PRKCE: variants seen among roughly 807,000 people sequenced by gnomAD.
PRKCE encodes the protein protein kinase C epsilon type.
In PRKCE, 16 loss-of-function variants were observed where a neutral mutation model predicts 85.4. The observed-to-expected ratio is 0.19, with a 90% CI of 0.13 to 0.28. The LOEUF (loss-of-function observed/expected upper bound fraction) is 0.28. Ranked by LOEUF, PRKCE falls within the 10% of genes least tolerant of loss-of-function variation. The pLI, the probability that PRKCE is intolerant of heterozygous loss-of-function variation, is 1.00. For missense variants in PRKCE, 573 were observed against 975.2 expected, an observed-to-expected ratio of 0.59 and a Z score of 5.49; for synonymous variants, 388 against 371.5, an observed-to-expected ratio of 1.04 and a Z score of -0.51.
intron 11 of PRKCE, among the ~76,000 whole-genome samples, chr2:46,099,366 G>A (rs1263118706): frequency 1.3e-5 from 2 of 152,072 alleles, no homozygotes; most frequent in African/African-American, 2.4e-5. Flanking sequence ...TCATTGACAG[G>A]CCTTTGACAC....
At chr2:45,898,701 G>A (rs1045691808) in intron 2 of PRKCE, among the ~76,000 whole-genome samples, 1 of 152,212 alleles carries the variant, frequency 6.6e-6, no homozygotes, top group African/African-American at 2.4e-5. Flanking sequence ...AGATGGAGAG[G>A]GGTGGGACAT....
In PRKCE at chr2:46,068,465, C is replaced by T. The variant is rs1667809627; in HGVS notation, c.1438-17743C>T. Among the ~76,000 whole-genome samples, 1 of 151,908 alleles carries T rather than the reference C, an allele frequency of 6.6e-6. No individual in the cohort carries two copies. Among genetic ancestry groups the T allele is most frequent in the Admixed American group, 6.6e-5 (1 of 15,250 alleles). The stretch of plus-strand genomic sequence containing the variant: ...TAATCAGTCATTATTTATTGGTGTA[C>T]CATTAGGTGCAAGGTATAATTCCTA... On this transcript the variant is annotated intron_variant, in intron 10 of 14. Coordinates refer to ENST00000306156, the MANE Select transcript of PRKCE (RefSeq NM_005400.3). This position sits in a 1 kb window ranked among gnomAD's most constrained non-coding sequence, Gnocchi z 4.3.
At chr2:45,972,412 A>C (rs1702169685) in intron 2 of PRKCE, among the ~76,000 whole-genome samples, 2 of 152,094 alleles carry the variant, frequency 1.3e-5, no homozygotes, top group Admixed American at 1.3e-4. Context: ...TCCATTCTTC[A>C]GGTTGCCTTT....
At chr2:45,897,726 G>C (rs559705069) in intron 2 of PRKCE, among the ~76,000 whole-genome samples, 1 of 152,264 alleles carries the variant, frequency 6.6e-6, no homozygotes, top group South Asian at 2.1e-4. Flanking sequence ...AGGTCAGTGT[G>C]GGGGGTACTG....
chr2:45,673,198 T>TGGTA (rs1463610184), intron 1 of PRKCE, among the ~76,000 whole-genome samples: 4 of 152,240 alleles, frequency 2.6e-5, no homozygotes. Context: ...CCTACTGCAA[T>TGGTA]GGTAGATTCT....
chr2:46,032,047 C>T (rs1487857006), intron 10 of PRKCE, among the ~76,000 whole-genome samples: 2 of 152,186 alleles, frequency 1.3e-5, no homozygotes, highest in Non-Finnish European at 2.9e-5. Context: ...TGGTGTTCTC[C>T]TTTGCGCAGT....
At chr2:45,936,483 C>T (rs1699467237) in intron 2 of PRKCE, among the ~76,000 whole-genome samples, 1 of 152,168 alleles carries the variant, frequency 6.6e-6, no homozygotes. Context: ...GCGCCTCTGC[C>T]CTCACTGTCC....
chr2:46,161,269 G>A (rs544302165), intron 14 of PRKCE, among the ~76,000 whole-genome samples: 8 of 152,364 alleles, frequency 5.3e-5, no homozygotes, highest in Admixed American at 3.3e-4. Context: ...AATAGGGGAA[G>A]TAGGACCCCA....
intron 2 of PRKCE, among the ~76,000 whole-genome samples, chr2:45,965,148 A>T (rs1290416655): frequency 6.6e-6 from 1 of 152,212 alleles, no homozygotes; most frequent in Non-Finnish European, 1.5e-5. Context: ...AGCATCGAAT[A>T]ATCTCTCTGA....
chr2:45,948,141 T>C (rs534534675), intron 2 of PRKCE, among the ~76,000 whole-genome samples: 4 of 152,248 alleles, frequency 2.6e-5, no homozygotes, highest in Admixed American at 1.3e-4. Context: ...CACTTATTAG[T>C]GTTCATGTTA....
chr2:46,046,681 G>A (rs948775557), intron 10 of PRKCE, among the ~76,000 whole-genome samples: 1 of 152,198 alleles, frequency 6.6e-6, no homozygotes, highest in African/African-American at 2.4e-5. Context: ...GTCAGTGGGG[G>A]AGGCGGAGTG....
chr2:45,941,718 G>A, intron 2 of PRKCE, among the ~76,000 whole-genome samples: 1 of 152,168 alleles, frequency 6.6e-6, no homozygotes, highest in East Asian at 1.9e-4. Flanking sequence ...AGCAATTCAA[G>A]CATGCACTGG....
chr2:46,042,119 T>C (rs936067632), intron 10 of PRKCE, among the ~76,000 whole-genome samples: 3 of 152,172 alleles, frequency 2.0e-5, no homozygotes, highest in Non-Finnish European at 4.4e-5. Context: ...AGTCGGTTAA[T>C]GTGAAAAGGA....
chr2:46,053,315 T>C (rs1708968905), intron 10 of PRKCE, among the ~76,000 whole-genome samples: 1 of 152,172 alleles, frequency 6.6e-6, no homozygotes, highest in Non-Finnish European at 1.5e-5. Flanking sequence ...TAAAAAAAAG[T>C]TACTCCCCCC....
rs190584735 is a variant in PRKCE at position 45,798,895 on chromosome 2, C to T, written c.349-44105C>T. 8.7e-3 allele frequency among the ~76,000 whole-genome samples: 1,326 copies of T among 151,882 alleles called. 12 individuals carry two copies. The highest frequency in any genetic ancestry group is 0.03 in the African/African-American group (1,258 of 41,450). On this transcript the variant is annotated intron_variant, in intron 1 of 14. Coordinates refer to ENST00000306156, the MANE Select transcript of PRKCE (RefSeq NM_005400.3). The stretch of plus-strand genomic sequence containing the variant: ...TTAAAATGTGAGCATTGGCCGGGCA[C>T]GGTGGCTCACGCCTATAATCCCAGC...
intron 11 of PRKCE, among the ~76,000 whole-genome samples, chr2:46,100,664 G>C (rs1475308185): frequency 6.6e-6 from 1 of 152,164 alleles, no homozygotes; most frequent in African/African-American, 2.4e-5. Context: ...TTTGTCTGGG[G>C]AAGCAACTAA....
chr2:46,023,354 A>C (rs1243279212), intron 10 of PRKCE, among the ~76,000 whole-genome samples: 1 of 152,226 alleles, frequency 6.6e-6, no homozygotes, highest in Non-Finnish European at 1.5e-5. Flanking sequence ...CCAACCCTGT[A>C]ACCTGTTTAG....
intron 6 of PRKCE, among the ~76,000 whole-genome samples, chr2:45,992,834 G>C (rs1356398598): frequency 6.6e-6 from 1 of 152,212 alleles, no homozygotes; most frequent in Non-Finnish European, 1.5e-5. Flanking sequence ...GTGATAGAAG[G>C]TGAAAGTCAG....
intron 10 of PRKCE, among the ~76,000 whole-genome samples, chr2:46,048,344 T>C (rs1451541726): frequency 6.6e-6 from 1 of 152,220 alleles, no homozygotes; most frequent in Non-Finnish European, 1.5e-5. Context: ...TTGAAAAGTC[T>C]CAAGGGTATT....
Sources: allele counts gnomAD v4.1 joint callset (sites outside exome capture counted in the v4.1 genomes callset), GRCh38; gene constraint gnomAD v4.1.1; non-coding constraint Gnocchi (gnomAD v3.1); transcripts MANE v1.5; gene names NCBI Gene and HGNC (gene_info 2026-07-23, HGNC 2026-07-21).